The following CPNE4 variants were observed in gnomAD, a reference collection of about 807,000 sequenced individuals.
CPNE4 encodes the protein copine-4.
CPNE4 carries 25 observed loss-of-function variants against 67.9 expected under a neutral mutation model. The observed-to-expected ratio is 0.37, with a 90% confidence interval of 0.27 to 0.51. The LOEUF is 0.51. Among genes scored for constraint, CPNE4 ranks in the 20% least tolerant of loss-of-function variants. The pLI is 0.93. For missense variants in CPNE4, 464 were observed against 690.8 expected (o/e 0.67, Z 3.68); for synonymous variants, 242 against 244.9 (o/e 0.99, Z 0.11).
chr3:131,661,051 T>C (rs967446625), intron 7 of CPNE4, among the ~76,000 whole-genome samples: 2 of 152,186 alleles, frequency 1.3e-5, no homozygotes, highest in African/African-American at 4.8e-5. Flanking sequence ...AGGCAAACAT[T>C]GATATAAAAG....
chr3:131,895,564 T>TTAA (rs67749176), intron 2 of CPNE4, among the ~76,000 whole-genome samples: 2 of 18,942 alleles, frequency 1.1e-4, no homozygotes, highest in African/African-American at 2.3e-4. Flanking sequence ...TTAATTTTAT[T>TTAA]TTTTTTGTTT....
intron 1 of CPNE4, among the ~76,000 whole-genome samples, chr3:131,935,123 C>A (rs141539344): frequency 1.3e-5 from 2 of 152,156 alleles, no homozygotes; most frequent in South Asian, 2.1e-4. Context: ...TATGAATTGA[C>A]AATGATACCA....
At chr3:131,667,656 C>A (rs867354379) in intron 7 of CPNE4, among the ~76,000 whole-genome samples, 1 of 151,136 alleles carries the variant, frequency 6.6e-6, no homozygotes, top group African/African-American at 2.4e-5. Flanking sequence ...TTCCTCTATT[C>A]TTCCTTCTCA....
chr3:131,895,011 A>G (rs1465954561), intron 2 of CPNE4, among the ~76,000 whole-genome samples: 2 of 152,032 alleles, frequency 1.3e-5, no homozygotes, highest in African/African-American at 4.8e-5. Context: ...TATTTGCACA[A>G]CAGAATACTA....
intron 1 of CPNE4, among the ~76,000 whole-genome samples, chr3:132,020,474 T>C (rs1317771717): frequency 6.6e-6 from 1 of 152,160 alleles, no homozygotes; most frequent in African/African-American, 2.4e-5. Context: ...GGCTGTCTTC[T>C]CAGGAAAGGG....
chr3:131,682,792 C>A (rs1396574552), intron 6 of CPNE4, among the ~76,000 whole-genome samples: 4 of 152,020 alleles, frequency 2.6e-5, no homozygotes, highest in Admixed American at 6.6e-5. Flanking sequence ...GAGTCGGAAA[C>A]CTTAGGACTC....
At chr3:131,791,855 C>T (rs567760474) in intron 2 of CPNE4, among the ~76,000 whole-genome samples, 1 of 152,276 alleles carries the variant, frequency 6.6e-6, no homozygotes, top group East Asian at 1.9e-4. Context: ...GAAGCCCCAA[C>T]CCCACGGCCA....
At chr3:131,802,888 G>T (rs1021404151) in intron 2 of CPNE4, among the ~76,000 whole-genome samples, 2 of 152,174 alleles carry the variant, frequency 1.3e-5, no homozygotes, top group African/African-American at 4.8e-5. Flanking sequence ...TCACTGCAGA[G>T]CAGGTCAGCA....
chr3:131,999,627 A>T (rs983635885), intron 1 of CPNE4, among the ~76,000 whole-genome samples: 1 of 152,108 alleles, frequency 6.6e-6, no homozygotes, highest in Non-Finnish European at 1.5e-5. Context: ...GCACCAAAAT[A>T]TATGATGGAT....
chr3:131,690,741 A>AC, intron 5 of CPNE4, among the ~76,000 whole-genome samples: 1 of 151,812 alleles, frequency 6.6e-6, no homozygotes, highest in South Asian at 2.1e-4. Flanking sequence ...TAAAAAAAAA[A>AC]CTATTAACAG....
intron 1 of CPNE4, among the ~76,000 whole-genome samples, chr3:132,022,565 T>C (rs2074021401): frequency 7.3e-5 from 3 of 41,120 alleles, no homozygotes; most frequent in Admixed American, 3.8e-4. Flanking sequence ...AAAGATGCTA[T>C]ACAAAAAAAA....
chr3:131,562,426 G>A (rs114448186), intron 11 of CPNE4, among the ~76,000 whole-genome samples: 2 of 152,004 alleles, frequency 1.3e-5, no homozygotes, highest in South Asian at 2.1e-4. Context: ...TTTCTTCCCC[G>A]CAGATTCAGA....
At chr3:131,558,246 A>G (rs556632435) in intron 11 of CPNE4, among the ~76,000 whole-genome samples, 17 of 152,176 alleles carry the variant, frequency 1.1e-4, no homozygotes, top group African/African-American at 3.4e-4. Flanking sequence ...TTTTAAGCCT[A>G]AGCACAATGG....
chr3:131,619,178 G>A (rs952799105), intron 7 of CPNE4, among the ~76,000 whole-genome samples: 1 of 152,096 alleles, frequency 6.6e-6, no homozygotes. Context: ...ACAAAGGACT[G>A]GAAAAAGCCT....
At chr3:131,826,370 A>T (rs151081425) in intron 2 of CPNE4, among the ~76,000 whole-genome samples, 72 of 151,674 alleles carry the variant, frequency 4.7e-4, no homozygotes, top group African/African-American at 1.2e-3. Context: ...TAAAAAAAAA[A>T]TTTTCTTTGT....
intron 2 of CPNE4, among the ~76,000 whole-genome samples, chr3:131,900,839 T>C (rs1351079857): frequency 6.6e-6 from 1 of 152,120 alleles, no homozygotes; most frequent in African/African-American, 2.4e-5. Context: ...CTAACAATAA[T>C]TACCAACAAC....
intron 14 of CPNE4, among the ~76,000 whole-genome samples, chr3:131,543,381 C>A (rs1935632727): frequency 6.6e-6 from 1 of 152,132 alleles, no homozygotes; most frequent in South Asian, 2.1e-4. Flanking sequence ...ATGTTTGGAA[C>A]AACTTCAGTA....
intron 2 of CPNE4, among the ~76,000 whole-genome samples, chr3:131,817,504 G>T (rs1342109018): frequency 6.6e-6 from 1 of 152,132 alleles, no homozygotes; most frequent in East Asian, 1.9e-4. Context: ...AAACATGTTG[G>T]GCCAAGACAG....
intron 7 of CPNE4, among the ~76,000 whole-genome samples, chr3:131,593,402 T>C (rs1938655127): frequency 6.6e-6 from 1 of 152,234 alleles, no homozygotes; most frequent in South Asian, 2.1e-4. Flanking sequence ...TCCCTAAGTA[T>C]TTTACTGTTC....
Sources: allele counts gnomAD v4.1 joint callset (sites outside exome capture counted in the v4.1 genomes callset), GRCh38; gene constraint gnomAD v4.1.1; transcripts MANE v1.5; gene names NCBI Gene and HGNC (gene_info 2026-07-23, HGNC 2026-07-21).